The following SOS2 variants were observed in gnomAD, a reference collection of about 807,000 sequenced individuals.
SOS2 encodes SOS Ras/Rho guanine nucleotide exchange factor 2, also known as son of sevenless homolog 2.
Under a neutral mutation model 148.2 loss-of-function variants are expected in SOS2, and 65 were observed. That is an observed-to-expected ratio of 0.44 (90% CI 0.36 to 0.54). SOS2 has a LOEUF of 0.54. Ranked by LOEUF, SOS2 falls within the 20% of genes least tolerant of loss-of-function variation. The pLI, the probability that SOS2 is intolerant of heterozygous loss-of-function variation, is 0.00. For missense variants in SOS2, 1,341 were observed against 1,590.2 expected, an observed-to-expected ratio of 0.84 and a Z score of 2.67; for synonymous variants, 539 against 537.1, an observed-to-expected ratio of 1.00 and a Z score of -0.05.
chr14:50,120,792 T>C (rs1157389165), intron 21 of SOS2, among the ~76,000 whole-genome samples: 1 of 132,584 alleles, frequency 7.5e-6, no homozygotes, highest in Non-Finnish European at 1.5e-5. Context: ...TAGGCTGGAG[T>C]GCAATGGCAC....
intron 1 of SOS2, among the ~76,000 whole-genome samples, chr14:50,207,762 T>C (rs1418701880): frequency 6.6e-6 from 1 of 150,802 alleles, no homozygotes; most frequent in African/African-American, 2.4e-5. Flanking sequence ...AAAAATCAGC[T>C]AGGTGTGGTG....
intron 22 of SOS2, among the ~76,000 whole-genome samples, chr14:50,119,803 CTTTTTTTTT>C (rs59325250): frequency 1.5e-5 from 1 of 68,498 alleles, no homozygotes; most frequent in East Asian, 4.3e-4. Context: ...CCCAACCAGC[CTTTTTTTTT>C]TTTTTTTTTT....
At chr14:50,205,959 G>C (rs967285793) in intron 1 of SOS2, among the ~76,000 whole-genome samples, 6 of 117,358 alleles carry the variant, frequency 5.1e-5, no homozygotes, top group Admixed American at 2.8e-4. Context: ...CTCATATTTT[G>C]TAAGTCTATA....
intron 1 of SOS2, chr14:50,230,943 C>A: frequency 3.6e-6 from 4 of 1,102,006 alleles, no homozygotes; most frequent in Non-Finnish European, 4.4e-6. Context: ...GCGGAAGTTG[C>A]CTGACGAAAT....
At chr14:50,204,734 T>A (rs1566479142) in intron 1 of SOS2, among the ~76,000 whole-genome samples, 1 of 152,104 alleles carries the variant, frequency 6.6e-6, no homozygotes, top group African/African-American at 2.4e-5. Flanking sequence ...TAAACCTACT[T>A]GAAGTCTACG....
intron 1 of SOS2, among the ~76,000 whole-genome samples, chr14:50,214,712 T>C (rs1886989774): frequency 6.6e-6 from 1 of 151,724 alleles, no homozygotes; most frequent in Non-Finnish European, 1.5e-5. Context: ...TTTTTTTTTT[T>C]TTTTTCTTTT....
At chr14:50,191,973 A>C (rs1024062365) in intron 4 of SOS2, among the ~76,000 whole-genome samples, 1 of 151,910 alleles carries the variant, frequency 6.6e-6, no homozygotes, top group African/African-American at 2.4e-5. Context: ...CAACAAAGAG[A>C]GACCCAGTTT....
intron 8 of SOS2, among the ~76,000 whole-genome samples, chr14:50,169,927 T>C (rs1405921853): frequency 1.3e-5 from 2 of 152,090 alleles, no homozygotes; most frequent in Non-Finnish European, 2.9e-5. Context: ...ATTTTGTTTA[T>C]TTATTAATTT....
chr14:50,169,349 A>AACAG (rs71939289), intron 8 of SOS2, among the ~76,000 whole-genome samples: 1 of 142,140 alleles, frequency 7.0e-6, no homozygotes, highest in African/African-American at 2.6e-5. Context: ...AAAACAAACA[A>AACAG]ACAGGCCAGG....
intron 14 of SOS2, among the ~76,000 whole-genome samples, chr14:50,146,005 T>G (rs1884455489): frequency 6.6e-6 from 1 of 151,844 alleles, no homozygotes; most frequent in Admixed American, 6.6e-5. Context: ...TGGTGGCACC[T>G]GCCTGTAATC....
At chr14:50,132,895 GCAATTCTTT>G (rs1261772258) in intron 19 of SOS2, among the ~76,000 whole-genome samples, 23 of 151,992 alleles carry the variant, frequency 1.5e-4, no homozygotes, top group Non-Finnish European at 1.5e-5. Context: ...TTAAACCAGA[GCAATTCTTT>G]GAGAGTTTTG....
intron 5 of SOS2, among the ~76,000 whole-genome samples, chr14:50,183,190 GC>G (rs1403659907): frequency 6.6e-6 from 1 of 151,972 alleles, no homozygotes; most frequent in Admixed American, 6.6e-5. Context: ...TTACTTTCAT[GC>G]CCCCCTTACA....
At chr14:50,175,099 A>G (rs148373064) in intron 7 of SOS2, among the ~76,000 whole-genome samples, 3,166 of 152,352 alleles carry the variant, frequency 0.021, 74 homozygotes, top group Non-Finnish European at 0.026. Context: ...TTTATTGTTA[A>G]ATTCAAACAA....
intron 12 of SOS2, among the ~76,000 whole-genome samples, chr14:50,155,281 G>A (rs1028110121): frequency 1.3e-5 from 2 of 151,990 alleles, no homozygotes; most frequent in East Asian, 1.9e-4. Flanking sequence ...ACTTGGCTTG[G>A]ATTTCACAGT....
Position 50,180,074 on chromosome 14 carries a change from G to A in SOS2, c.969+498C>T, listed in dbSNP as rs144195272. On this transcript the variant is annotated intron_variant, in intron 7 of 22. Transcript: ENST00000216373. ...AGCTGGAGTGCAGTGGCGCGATCTC[G>A]GCTCACTGCAACCTCCGCCTTCCGG... 3.0e-4 allele frequency among the ~76,000 whole-genome samples: 45 copies of A among 151,340 alleles called. 1 individual carries two copies. The highest frequency in any genetic ancestry group is 2.3e-3 in the East Asian group (12 of 5,148).
At chr14:50,194,504 G>A (rs1955923) in intron 4 of SOS2, among the ~76,000 whole-genome samples, 122,050 of 140,822 alleles carry the variant, frequency 0.87, 53,025 homozygotes, top group East Asian at 0.91. Flanking sequence ...GGCTGGGCGC[G>A]GGGGCTTACA....
intron 1 of SOS2, among the ~76,000 whole-genome samples, chr14:50,217,445 T>C (rs900483760): frequency 1.3e-5 from 2 of 152,258 alleles, no homozygotes; most frequent in South Asian, 4.1e-4. Context: ...ACACCTATAA[T>C]TGCAAAACTT....
chr14:50,140,091 T>C, intron 16 of SOS2, 32 bp from the exon 17 acceptor site: 1 of 1,036,646 alleles, frequency 9.6e-7, no homozygotes, highest in Non-Finnish European at 1.5e-6. Context: ...GTATAAATTT[T>C]TTACAATTCA....
intron 3 of SOS2, among the ~76,000 whole-genome samples, chr14:50,200,300 C>T (rs563793379): frequency 6.6e-6 from 1 of 151,994 alleles, no homozygotes; most frequent in East Asian, 1.9e-4. Context: ...GAATTTGCTA[C>T]AAAACTCTTA....
Sources: allele counts gnomAD v4.1 joint callset (sites outside exome capture counted in the v4.1 genomes callset), GRCh38; gene constraint gnomAD v4.1.1; transcripts MANE v1.5; gene names NCBI Gene and HGNC (gene_info 2026-07-23, HGNC 2026-07-21).